CIMIP6: variants seen among roughly 807,000 people sequenced by gnomAD.
CIMIP6 encodes uncharacterized protein C2orf73.
chr2:54,360,997 A>G, the CIMIP6 span: 1 of 153,784 alleles, frequency 6.5e-6, no homozygotes. Flanking sequence ...AATTAGGAAA[A>G]TAGCAACTTC....
the CIMIP6 span, among the ~76,000 whole-genome samples, chr2:54,351,650 G>C: frequency 6.6e-6 from 1 of 152,072 alleles, no homozygotes; most frequent in Non-Finnish European, 1.5e-5. Context: ...AGATAATCAG[G>C]AAAAATAACT....
chr2:54,345,672 A>G, the CIMIP6 span, among the ~76,000 whole-genome samples: 24 of 152,258 alleles, frequency 1.6e-4, no homozygotes, highest in African/African-American at 4.8e-4. Context: ...AGCTAGCCTG[A>G]CTCCAGTGCA....
the CIMIP6 span, among the ~76,000 whole-genome samples, chr2:54,370,829 A>C: frequency 1.3e-5 from 2 of 152,196 alleles, no homozygotes; most frequent in Non-Finnish European, 2.9e-5. Context: ...CAGTCCCTGG[A>C]GGGGTAGTCT....
chr2:54,346,542 T>C, the CIMIP6 span, among the ~76,000 whole-genome samples: 3 of 152,146 alleles, frequency 2.0e-5, no homozygotes, highest in African/African-American at 7.2e-5. Context: ...TCCAAACTTA[T>C]CCTCCACTAG....
At chr2:54,359,040 C>A in the CIMIP6 span, 1 of 1,545,926 alleles carries the variant, frequency 6.5e-7, no homozygotes, top group Non-Finnish European at 8.7e-7. Flanking sequence ...CAATATGATG[C>A]CAGAAAAACT....
chr2:54,362,377 T>C, the CIMIP6 span, among the ~76,000 whole-genome samples: 1 of 152,224 alleles, frequency 6.6e-6, no homozygotes, highest in Non-Finnish European at 1.5e-5. Context: ...ATTAAAACAC[T>C]TTCAATTTGA....
chr2:54,356,158 AAAG>A, the CIMIP6 span, among the ~76,000 whole-genome samples: 1 of 151,996 alleles, frequency 6.6e-6, no homozygotes, highest in South Asian at 2.1e-4. Context: ...AAAAAAAAAA[AAAG>A]GCATCACTGA....
At chr2:54,335,004 A>G in the CIMIP6 span, 1 of 1,600,050 alleles carries the variant, frequency 6.2e-7, no homozygotes. Flanking sequence ...CATAGATCCC[A>G]AAAAAGGGCC....
At chr2:54,360,598 T>C in the CIMIP6 span, 1 of 1,444,526 alleles carries the variant, frequency 6.9e-7, no homozygotes, top group Non-Finnish European at 9.1e-7. Context: ...ATCCCTGGAA[T>C]ATAGGGAAAT....
the CIMIP6 span, among the ~76,000 whole-genome samples, chr2:54,349,304 G>C: frequency 4.6e-5 from 7 of 152,006 alleles, no homozygotes; most frequent in African/African-American, 1.7e-4. Flanking sequence ...ACTGAGAAGA[G>C]TGGGATTTAA....
At chr2:54,340,839 C>T in the CIMIP6 span, among the ~76,000 whole-genome samples, 25 of 152,080 alleles carry the variant, frequency 1.6e-4, no homozygotes, top group African/African-American at 5.6e-4. Context: ...GTGGCTCATG[C>T]CTATAGTCCC....
the CIMIP6 span, chr2:54,334,875 C>A: frequency 0.32 from 494,171 of 1,551,800 alleles, 83,053 homozygotes; most frequent in Non-Finnish European, 0.35. Flanking sequence ...AGAAATTAAA[C>A]ACGAAGAAAA....
chr2:54,381,723 T>G, the CIMIP6 span: 1 of 1,352,982 alleles, frequency 7.4e-7, no homozygotes, highest in Non-Finnish European at 9.6e-7. Flanking sequence ...TCTGCCCTTT[T>G]GAGGCTTGAA....
chr2:54,383,346 G>C, the CIMIP6 span: 2 of 152,164 alleles, frequency 1.3e-5, no homozygotes, highest in Non-Finnish European at 2.9e-5. Context: ...GTTAATACCT[G>C]TCATAAACAG....
the CIMIP6 span, chr2:54,343,884 G>T: frequency 5.1e-6 from 8 of 1,576,340 alleles, no homozygotes; most frequent in Non-Finnish European, 6.9e-6. Context: ...GTAAGGTTTT[G>T]CAGTGGTAAA....
the CIMIP6 span, among the ~76,000 whole-genome samples, chr2:54,346,782 C>G: frequency 1.3e-5 from 2 of 152,182 alleles, no homozygotes; most frequent in Non-Finnish European, 2.9e-5. Flanking sequence ...TCTTCTTTCT[C>G]CATATATGTT....
chr2:54,383,739 G>A, the CIMIP6 span: 1 of 151,486 alleles, frequency 6.6e-6, no homozygotes, highest in Non-Finnish European at 1.5e-5. Context: ...GTTTGACTGT[G>A]TCCTCCAAAA....
chr2:54,330,894 C>T, the CIMIP6 span: 1 of 1,410,012 alleles, frequency 7.1e-7, no homozygotes. Flanking sequence ...ACAGTCGCCG[C>T]GCTTTGCGCA....
chr2:54,355,532 A>G, the CIMIP6 span, among the ~76,000 whole-genome samples: 10 of 151,926 alleles, frequency 6.6e-5, no homozygotes, highest in Admixed American at 2.6e-4. Context: ...TCTTGGATAT[A>G]TATCATCATC....
Sources: allele counts gnomAD v4.1 joint callset (sites outside exome capture counted in the v4.1 genomes callset), GRCh38; gene constraint gnomAD v4.1.1; transcripts MANE v1.5; gene names NCBI Gene and HGNC (gene_info 2026-07-23, HGNC 2026-07-21).